The following DNER variants were observed in gnomAD, a reference collection of about 807,000 sequenced individuals.
DNER encodes the protein delta/notch like EGF repeat containing.
Under a neutral mutation model 78.2 loss-of-function variants are expected in DNER, and 33 were observed. The observed-to-expected ratio is 0.42, with a 90% CI of 0.32 to 0.56. DNER has a LOEUF of 0.56. Ranked by LOEUF, DNER falls within the 20% of genes least tolerant of loss-of-function variation. DNER has a pLI of 0.11. For missense variants in DNER, 918 were observed against 975.3 expected (o/e 0.94, Z 0.78); for synonymous variants, 417 against 384.8 (o/e 1.08, Z -0.98).
chr2:229,636,489 C>T (rs1385719334), intron 1 of DNER, among the ~76,000 whole-genome samples: 1 of 152,140 alleles, frequency 6.6e-6, no homozygotes, highest in Non-Finnish European at 1.5e-5. Flanking sequence ...AGTCCCAAAT[C>T]TAGGAAGGAC....
At chr2:229,584,619 C>G (rs1328132577) in intron 4 of DNER, among the ~76,000 whole-genome samples, 2 of 152,158 alleles carry the variant, frequency 1.3e-5, no homozygotes, top group Non-Finnish European at 2.9e-5. Context: ...GTCTCTCTTT[C>G]TGGCGGCCAT....
At chr2:229,705,197 G>A (rs950033315) in intron 1 of DNER, among the ~76,000 whole-genome samples, 2 of 152,194 alleles carry the variant, frequency 1.3e-5, no homozygotes, top group Admixed American at 6.5e-5. Context: ...ACCACAGAAT[G>A]TCTTCCATAA....
At chr2:229,671,728 C>T (rs543477280) in intron 1 of DNER, among the ~76,000 whole-genome samples, 6 of 152,206 alleles carry the variant, frequency 3.9e-5, no homozygotes, top group African/African-American at 7.2e-5. Flanking sequence ...AGGAAAGGGA[C>T]GGGCTCTGGG....
intron 11 of DNER, among the ~76,000 whole-genome samples, chr2:229,377,962 T>C (rs1467960081): frequency 6.6e-6 from 1 of 152,162 alleles, no homozygotes; most frequent in Non-Finnish European, 1.5e-5. Context: ...TTCTGGATTA[T>C]CTGGACAAGC....
chr2:229,515,765 C>T (rs55662405), intron 5 of DNER, among the ~76,000 whole-genome samples: 40,631 of 151,494 alleles, frequency 0.27, 6,201 homozygotes, highest in Non-Finnish European at 0.33. Context: ...CTCAGCCTCC[C>T]GAGTAGCTGG....
intron 4 of DNER, among the ~76,000 whole-genome samples, chr2:229,562,637 A>G (rs1696980825): frequency 6.6e-6 from 1 of 152,068 alleles, no homozygotes; most frequent in African/African-American, 2.4e-5. Context: ...ACACAAGGGT[A>G]ATGGAAAGAT....
chr2:229,551,467 C>T (rs890499465), intron 4 of DNER, among the ~76,000 whole-genome samples: 13 of 151,920 alleles, frequency 8.6e-5, no homozygotes, highest in African/African-American at 2.2e-4. Flanking sequence ...AACCCCATCC[C>T]TACTAAAAAT....
chr2:229,532,638 A>C (rs1696327874), intron 5 of DNER, among the ~76,000 whole-genome samples: 1 of 152,244 alleles, frequency 6.6e-6, no homozygotes, highest in Non-Finnish European at 1.5e-5. Flanking sequence ...GGAACCCAAG[A>C]AATGAAGCCC....
At chr2:229,649,131 G>A (rs1422893428) in intron 1 of DNER, among the ~76,000 whole-genome samples, 1 of 152,194 alleles carries the variant, frequency 6.6e-6, no homozygotes, top group Non-Finnish European at 1.5e-5. Flanking sequence ...AACAGCAGCA[G>A]CTTCAAAAGG....
At chr2:229,452,066 C>G (rs138732828) in intron 7 of DNER, among the ~76,000 whole-genome samples, 29 of 152,268 alleles carry the variant, frequency 1.9e-4, no homozygotes, top group African/African-American at 5.5e-4. Flanking sequence ...CAGGTCACGA[C>G]TGGTCTTATA....
intron 1 of DNER, among the ~76,000 whole-genome samples, chr2:229,631,987 ATTCCTGCCAGTATTT>A (rs1698440476): frequency 2.0e-5 from 3 of 152,246 alleles, no homozygotes; most frequent in Admixed American, 1.3e-4. Context: ...CCAATAAAAT[ATTCCTGCCAGTATTT>A]TTCCTAACCC....
At chr2:229,677,465 C>A (rs59320950) in intron 1 of DNER, among the ~76,000 whole-genome samples, 1 of 152,124 alleles carries the variant, frequency 6.6e-6, no homozygotes, top group South Asian at 2.1e-4. Flanking sequence ...ATTTTATGCA[C>A]GACACTAAAA....
At chr2:229,701,191 TG>T (rs1699741297) in intron 1 of DNER, among the ~76,000 whole-genome samples, 1 of 152,228 alleles carries the variant, frequency 6.6e-6, no homozygotes, top group South Asian at 2.1e-4. Flanking sequence ...CCTTAGCAGT[TG>T]GATGGCTACC....
intron 1 of DNER, among the ~76,000 whole-genome samples, chr2:229,619,133 G>A (rs1698212883): frequency 6.6e-6 from 1 of 150,982 alleles, no homozygotes; most frequent in African/African-American, 2.4e-5. Flanking sequence ...GTGAAACCCT[G>A]TCTCTAAAAA....
chr2:229,370,656 A>G (rs74681808), intron 11 of DNER, among the ~76,000 whole-genome samples: 8,971 of 152,282 alleles, frequency 0.059, 315 homozygotes, highest in Middle Eastern at 0.088. Context: ...CTTCATTTCC[A>G]AGTATTATAA....
intron 8 of DNER, among the ~76,000 whole-genome samples, chr2:229,444,643 C>T (rs1300034599): frequency 2.0e-5 from 3 of 152,168 alleles, no homozygotes; most frequent in Non-Finnish European, 4.4e-5. Flanking sequence ...AATCCCAGCA[C>T]TGTGGGAGGC....
At chr2:229,595,608 C>T (rs1697698033) in intron 1 of DNER, among the ~76,000 whole-genome samples, 1 of 152,194 alleles carries the variant, frequency 6.6e-6, no homozygotes, top group Admixed American at 6.5e-5. Flanking sequence ...TACAGGCCCT[C>T]TGTCTGTAAT....
intron 1 of DNER, among the ~76,000 whole-genome samples, chr2:229,622,482 G>A (rs750890860): frequency 1.3e-5 from 2 of 152,008 alleles, no homozygotes; most frequent in South Asian, 2.1e-4. Context: ...CTGCCCTGCG[G>A]GTCTTTGAAC....
At chr2:229,582,149 A>G (rs1697409390) in intron 4 of DNER, among the ~76,000 whole-genome samples, 1 of 152,246 alleles carries the variant, frequency 6.6e-6, no homozygotes, top group African/African-American at 2.4e-5. Flanking sequence ...AAATAGTCTG[A>G]GCTAAAACGT....
Sources: gnomAD v4.1 joint callset for allele counts (sites outside exome capture counted in the v4.1 genomes callset) on GRCh38, gnomAD v4.1.1 for gene constraint, MANE v1.5 for transcripts, NCBI Gene and HGNC (gene_info 2026-07-23, HGNC 2026-07-21) for gene names.